Variants in SLC4A5 observed in about 807,000 individuals in gnomAD.
The protein encoded by SLC4A5 is solute carrier family 4 member 5.
In SLC4A5, 96 loss-of-function variants were observed where a neutral mutation model predicts 120.4. The observed-to-expected ratio is 0.80, with a 90% CI of 0.68 to 0.94. The LOEUF is 0.94. Among genes scored for constraint, SLC4A5 ranks in the 40% least tolerant of loss-of-function variants. SLC4A5 has a pLI of 0.00. For missense variants in SLC4A5, 1,259 were observed against 1,459.5 expected (o/e 0.86, Z 2.24); for synonymous variants, 550 against 571.1 (o/e 0.96, Z 0.53).
In SLC4A5 at chr2:74,238,989, A is replaced by C. The variant is rs139828548; in HGVS notation, c.2319+346T>G. ...AAAGGCAGACAACCCAAAATGTGCA[A>C]GAGATTTCAACAGACACTTCCAAAA... On this transcript the variant is annotated intron_variant, in intron 21 of 30. Transcript: ENST00000394019. Among the ~76,000 whole-genome samples the C allele has an allele frequency of 1.2e-3, 188 of 152,368 alleles. 3 individuals carry two copies. In the East Asian group the frequency reaches 0.036, roughly 29 times the overall value.
At chr2:74,308,074 C>A (rs1175384021) in intron 6 of SLC4A5, 3 of 476,376 alleles carry the variant, frequency 6.3e-6, no homozygotes, top group Non-Finnish European at 1.2e-5. Context: ...TTCTTTCTAT[C>A]TCTGAACAAT....
intron 5 of SLC4A5, among the ~76,000 whole-genome samples, chr2:74,325,960 G>A (rs544547705): frequency 2.1e-4 from 32 of 151,784 alleles, no homozygotes; most frequent in African/African-American, 7.5e-4. Context: ...GAGAAGGAAG[G>A]AGGGAGAAAG....
chr2:74,304,658 C>A, exon 7 of SLC4A5: 1 of 1,613,778 alleles, frequency 6.2e-7, no homozygotes, highest in Non-Finnish European at 8.5e-7. Flanking sequence ...GTACTGGAAG[C>A]CCAATGTGGA....
intron 27 of SLC4A5, 149 bp downstream of exon 27, chr2:74,226,808 G>A: frequency 2.3e-6 from 2 of 883,708 alleles, no homozygotes; most frequent in Admixed American, 4.7e-5. Flanking sequence ...ACTCAAATCA[G>A]GTCATTCTGT....
At chr2:74,225,913 T>C (rs933666044) in intron 27 of SLC4A5, among the ~76,000 whole-genome samples, 24 of 152,188 alleles carry the variant, frequency 1.6e-4, no homozygotes, top group Non-Finnish European at 5.9e-5. Flanking sequence ...TTCTCATCTG[T>C]AAAGCGGGGT....
chr2:74,328,897 T>C (rs894057992), intron 4 of SLC4A5, among the ~76,000 whole-genome samples: 3 of 152,206 alleles, frequency 2.0e-5, no homozygotes, highest in Non-Finnish European at 4.4e-5. Flanking sequence ...TTTTTAGGCA[T>C]CTCTAACCCA....
intron 12 of SLC4A5, among the ~76,000 whole-genome samples, chr2:74,259,137 G>C (rs1241755349): frequency 6.6e-6 from 1 of 152,178 alleles, no homozygotes; most frequent in African/African-American, 2.4e-5. Context: ...GTTCATGGGA[G>C]ACCACAGGAA....
rs1268518486 is a variant in SLC4A5, at chr2:74,285,753, C to T, written c.401+20G>A. Reference sequence around the variant, plus strand: ...GTGTGAGACTGAAGTGCCCACCTCCCTCGTGGGGCCCCGCCTCACCTGGCT... The same window carrying T: ...GTGTGAGACTGAAGTGCCCACCTCCTTCGTGGGGCCCCGCCTCACCTGGCT... On this transcript the variant is annotated intron_variant, in intron 8 of 30. Transcript: ENST00000394019. 32 of 1,606,388 alleles carry T rather than the reference C, an allele frequency of 2.0e-5. No homozygotes were observed. Among genetic ancestry groups the T allele is most frequent in the Non-Finnish European group, 2.6e-5 (31 of 1,175,224 alleles).
intron 2 of SLC4A5, among the ~76,000 whole-genome samples, chr2:74,340,503 A>T (rs929160705): frequency 6.6e-6 from 1 of 152,102 alleles, no homozygotes; most frequent in African/African-American, 2.4e-5. Context: ...TGGGCAGGAA[A>T]GAGATGATGG....
intron 6 of SLC4A5, chr2:74,307,966 AC>A: frequency 1.8e-6 from 1 of 558,422 alleles, no homozygotes; most frequent in Non-Finnish European, 3.5e-6. Flanking sequence ...GAGCCCAGGG[AC>A]CAGTAGTTGG....
chr2:74,322,957 G>A (rs1194012343), intron 5 of SLC4A5, among the ~76,000 whole-genome samples: 2 of 152,148 alleles, frequency 1.3e-5, no homozygotes, highest in East Asian at 3.8e-4. Flanking sequence ...GAAGATAATG[G>A]GCAGGGTGCG....
intron 8 of SLC4A5, among the ~76,000 whole-genome samples, chr2:74,277,411 T>C (rs1671678473): frequency 6.6e-6 from 1 of 151,994 alleles, no homozygotes; most frequent in Non-Finnish European, 1.5e-5. Flanking sequence ...TAGTCAGGCA[T>C]GGTGGTGGGC....
intron 20 of SLC4A5, among the ~76,000 whole-genome samples, chr2:74,240,890 A>G (rs1429693331): frequency 1.3e-5 from 2 of 152,198 alleles, no homozygotes; most frequent in Non-Finnish European, 2.9e-5. Context: ...TGGAGACAGT[A>G]AAAGCTCACA....
chr2:74,247,399 C>T (rs1030166046), intron 18 of SLC4A5, 92 bp from the exon 19 acceptor site: 3 of 1,373,802 alleles, frequency 2.2e-6, no homozygotes, highest in South Asian at 2.9e-5. Context: ...CTTATCTGTC[C>T]TCCTGTGGCA....
intron 19 of SLC4A5, among the ~76,000 whole-genome samples, chr2:74,245,464 G>A (rs1558875255): frequency 6.6e-6 from 1 of 152,192 alleles, no homozygotes; most frequent in African/African-American, 2.4e-5. Context: ...GCACGTAGGA[G>A]GGCCCTGATG....
rs769366638 is a variant in SLC4A5 at position 74,233,382 on chromosome 2, G to T, written c.2595+20C>A. Reference sequence around the variant, plus strand: ...GTGGGAAGAAAGAGGTTATGCCTCTGCTCCTAGTACCGGCCTTACCTTCAG... The same window carrying T: ...GTGGGAAGAAAGAGGTTATGCCTCTTCTCCTAGTACCGGCCTTACCTTCAG... On this transcript the variant is annotated intron_variant, in intron 23 of 30. Coordinates refer to ENST00000394019, the Ensembl canonical transcript of SLC4A5. 1 of 1,613,590 alleles carries T rather than the reference G, an allele frequency of 6.2e-7. No individual in the cohort carries two copies. The highest frequency in any genetic ancestry group is 8.5e-7 in the Non-Finnish European group (1 of 1,179,532).
chr2:74,229,849 G>A lies in SLC4A5; in HGVS notation c.2847+1387C>T, dbSNP rs115371797. ...TCAGCCAGAATCATCATTCTTTAGC[G>A]TTTGTTTCTTACAAGGTCACCTCTG... On this transcript the variant is annotated intron_variant, in intron 25 of 30. Transcript: ENST00000394019. 7.4e-3 allele frequency among the ~76,000 whole-genome samples: 1,097 copies of A among 148,394 alleles called. 9 individuals carry two copies. Among genetic ancestry groups the A allele is most frequent in the African/African-American group, 0.016 (626 of 40,092 alleles).
chr2:74,227,745 T>TGACA, intron 26 of SLC4A5, 65 bp downstream of exon 26: 1 of 1,440,846 alleles, frequency 6.9e-7, no homozygotes, highest in Non-Finnish European at 9.4e-7. Flanking sequence ...GGGGTCTTGG[T>TGACA]GACATGGAAC....
At chr2:74,269,044 G>A (rs1278310385) in intron 8 of SLC4A5, among the ~76,000 whole-genome samples, 1 of 152,254 alleles carries the variant, frequency 6.6e-6, no homozygotes, top group Non-Finnish European at 1.5e-5. Flanking sequence ...TGGAGCCAGA[G>A]ACCAGGCAGA....
Sources: gnomAD v4.1 joint callset for allele counts (sites outside exome capture counted in the v4.1 genomes callset) on GRCh38, gnomAD v4.1.1 for gene constraint, MANE v1.5 for transcripts, NCBI Gene and HGNC (gene_info 2026-07-23, HGNC 2026-07-21) for gene names.